SYNE1: variants seen among roughly 807,000 people sequenced by gnomAD.
The protein encoded by SYNE1 is spectrin repeat containing nuclear envelope protein 1, also known as nesprin-1.
In SYNE1, 616 loss-of-function variants were observed where a neutral mutation model predicts 1,111.0. That is an observed-to-expected ratio of 0.55 (90% CI 0.52 to 0.59). The LOEUF (loss-of-function observed/expected upper bound fraction) is 0.59, where lower values mean the gene tolerates loss of function less well. SYNE1 is among the 20% of genes least tolerant of loss of function. The pLI is 0.00. For synonymous variants in SYNE1, 3,855 were observed against 3,825.8 expected, an observed-to-expected ratio of 1.01 and a Z score of -0.28; for missense variants, 10,006 against 10,417.0, an observed-to-expected ratio of 0.96 and a Z score of 1.72.
chr6:152,416,235 A>G (rs763081362), intron 41 of SYNE1, 152 bp downstream of exon 41: 4 of 1,047,048 alleles, frequency 3.8e-6, no homozygotes, highest in Non-Finnish European at 5.8e-6. Flanking sequence ...TGCATGACTC[A>G]ACTCAGCTTA....
rs757033067 is a variant in SYNE1, at chr6:152,628,326, T to G, written c.6A>C (p.Ala2=). Residue 2 remains alanine, a synonymous_variant, in exon 3 of 146, where the codon GCA becomes GCC. Coordinates refer to ENST00000367255, the MANE Select transcript of SYNE1 (RefSeq NM_182961.4). Reference sequence around the variant, plus strand: ...GACACCGGGAGGCCCCTCTGGAGGTTGCCATGGTCCCTCCGGAAGCACGAA... The same window carrying G: ...GACACCGGGAGGCCCCTCTGGAGGTGGCCATGGTCCCTCCGGAAGCACGAA... The part of the protein sequence containing the change: M[A]TSRGASRCPR... The G allele has an allele frequency of 2.2e-5, 36 of 1,614,078 alleles. No homozygotes were observed. The highest frequency in any genetic ancestry group is 3.1e-5 in the Non-Finnish European group (36 of 1,180,048).
chr6:152,499,532 GA>G (rs1263371068), intron 10 of SYNE1, among the ~76,000 whole-genome samples: 1 of 152,064 alleles, frequency 6.6e-6, no homozygotes, highest in Admixed American at 6.5e-5. Flanking sequence ...TTAAAAAAAT[GA>G]ATTAAGAGAG....
Position 152,130,704 on chromosome 6 carries a change from C to A in SYNE1, c.26153+16G>T. On this transcript the variant is annotated intron_variant, in intron 145 of 145. Transcript: ENST00000367255. ...TGGGGTTCTAGAACAGTGTGGAAAC[C>A]AGGAGAAGGAGGTACCTGCTATGTG... 3.1e-6 allele frequency: 5 copies of A among 1,613,930 alleles called. No homozygotes were observed. Among genetic ancestry groups the A allele is most frequent in the Non-Finnish European group, 4.2e-6 (5 of 1,179,902 alleles).
At chr6:152,232,080 A>C in intron 113 of SYNE1, 36 bp downstream of exon 113, 1 of 1,457,532 alleles carries the variant, frequency 6.9e-7, no homozygotes, top group Non-Finnish European at 9.6e-7. Flanking sequence ...AATGGTCTGA[A>C]AATATGAAAA....
chr6:152,333,089 G>T (rs927236651), intron 77 of SYNE1, among the ~76,000 whole-genome samples: 2 of 152,152 alleles, frequency 1.3e-5, no homozygotes, highest in African/African-American at 4.8e-5. Context: ...AACAATATTT[G>T]CAGTTTTCTT....
intron 4 of SYNE1, among the ~76,000 whole-genome samples, chr6:152,536,411 TA>T (rs1376849748): frequency 7.2e-6 from 1 of 138,674 alleles, no homozygotes; most frequent in African/African-American, 2.7e-5. Flanking sequence ...CTATATATAG[TA>T]ATATATATAT....
intron 104 of SYNE1, 60 bp from the exon 105 acceptor site, chr6:152,249,322 AAATATAACACAGATTCTAAGAAAT>A: frequency 1.1e-6 from 1 of 926,858 alleles, no homozygotes; most frequent in Non-Finnish European, 1.8e-6. Context: ...AAATACTTGT[AAATATAACACAGATTCTAAGAAAT>A]AACATAGAGG....
At chr6:152,192,681 C>T (rs1484900498) in intron 127 of SYNE1, among the ~76,000 whole-genome samples, 1 of 151,474 alleles carries the variant, frequency 6.6e-6, no homozygotes, top group Non-Finnish European at 1.5e-5. Context: ...GCCATGTTGA[C>T]CAGGCTGTTC....
chr6:152,319,414 A>G (rs943633521), intron 84 of SYNE1, among the ~76,000 whole-genome samples: 7 of 152,238 alleles, frequency 4.6e-5, no homozygotes, highest in Non-Finnish European at 1.0e-4. Flanking sequence ...AAACAGTTGG[A>G]AGCACACTGA....
At chr6:152,466,658 T>C (rs753971690) in intron 16 of SYNE1, among the ~76,000 whole-genome samples, 1 of 152,104 alleles carries the variant, frequency 6.6e-6, no homozygotes, top group Non-Finnish European at 1.5e-5. Flanking sequence ...CTATTTGTAA[T>C]TTATATATAT....
At chr6:152,528,912 T>G (rs1476845080) in intron 4 of SYNE1, among the ~76,000 whole-genome samples, 1 of 152,182 alleles carries the variant, frequency 6.6e-6, no homozygotes, top group African/African-American at 2.4e-5. Flanking sequence ...GTTAATACCA[T>G]CATTTTTATA....
chr6:152,295,567 G>A (rs547550715), intron 93 of SYNE1, among the ~76,000 whole-genome samples: 5 of 151,954 alleles, frequency 3.3e-5, no homozygotes, highest in African/African-American at 7.2e-5. Context: ...TTGGAAACCC[G>A]CAAACATGAC....
At chr6:152,308,924 A>C (rs904443903) in intron 90 of SYNE1, among the ~76,000 whole-genome samples, 1 of 152,186 alleles carries the variant, frequency 6.6e-6, no homozygotes, top group African/African-American at 2.4e-5. Flanking sequence ...GACGGTCAGA[A>C]AGGGTGAAGC....
chr6:152,387,975 A>G (rs923814224), intron 53 of SYNE1, among the ~76,000 whole-genome samples: 1 of 152,204 alleles, frequency 6.6e-6, no homozygotes, highest in African/African-American at 2.4e-5. Flanking sequence ...AGCTTTCTCC[A>G]TAGTCAAACC....
intron 34 of SYNE1, 33 bp from the exon 35 acceptor site, chr6:152,430,742 G>A: frequency 6.3e-7 from 1 of 1,590,292 alleles, no homozygotes; most frequent in Non-Finnish European, 8.6e-7. Flanking sequence ...TGACAATGTA[G>A]GCTGAGCAAG....
chr6:152,566,453 G>A (rs1343972007), intron 3 of SYNE1, among the ~76,000 whole-genome samples: 1 of 151,786 alleles, frequency 6.6e-6, no homozygotes, highest in Non-Finnish European at 1.5e-5. Context: ...AGTGTGAGAG[G>A]AAGGAGGTGC....
chr6:152,137,704 T>C (rs2049747885), intron 140 of SYNE1, among the ~76,000 whole-genome samples: 1 of 152,202 alleles, frequency 6.6e-6, no homozygotes, highest in African/African-American at 2.4e-5. Flanking sequence ...TTTGAAATCA[T>C]TTCTCACTAG....
Position 152,413,298 on chromosome 6 carries a change from T to C in SYNE1, c.6230+54A>G, listed in dbSNP as rs564461192. 5.7e-5 allele frequency: 90 copies of C among 1,583,582 alleles called. 1 individual carries two copies. The South Asian group carries it at 6.2e-4, about 11-fold the overall frequency. ...CAACACAAAACAGGCAATGTCCCAA[T>C]GTCACATAATAAGTGGGAAGCTAAA... On this transcript the variant is annotated intron_variant, in intron 42 of 145. Transcript: ENST00000367255.
In SYNE1 at chr6:152,331,404, G is replaced by A; in HGVS notation, c.13281C>T (p.Leu4427=). The change falls in exon 78 of 146, where the codon CTC becomes CTT. Residue 4427 remains leucine (L), a synonymous_variant. Coordinates refer to ENST00000367255, the MANE Select transcript of SYNE1 (RefSeq NM_182961.4). ...AATTCACGTGGCTTTGTGCATCAGA[G>A]AGAGCCTTCTGGATGACCTGTCGCT... The part of the protein sequence containing the change: ...LNERQVIQKA[L]SDAQSHVNCL... 1 of 1,614,166 alleles carries A rather than the reference G, an allele frequency of 6.2e-7. No homozygotes were observed. The highest frequency in any genetic ancestry group is 8.5e-7 in the Non-Finnish European group (1 of 1,180,036).
Sources: allele counts gnomAD v4.1 joint callset (sites outside exome capture counted in the v4.1 genomes callset), GRCh38; gene constraint gnomAD v4.1.1; transcripts MANE v1.5; gene names NCBI Gene and HGNC (gene_info 2026-07-23, HGNC 2026-07-21).